The following BMPR2 variants were observed in gnomAD, a reference collection of about 807,000 sequenced individuals.
BMPR2 encodes the protein bone morphogenetic protein receptor type 2.
A neutral mutation model predicts 100.8 loss-of-function variants in BMPR2; 29 were observed. The observed-to-expected ratio is 0.29, with a 90% CI of 0.21 to 0.39. The LOEUF (loss-of-function observed/expected upper bound fraction) is 0.39, where lower values mean the gene tolerates loss of function less well. Ranked by LOEUF, BMPR2 falls within the 10% of genes least tolerant of loss-of-function variation. The pLI, the probability that BMPR2 is intolerant of heterozygous loss-of-function variation, is 1.00. For missense variants in BMPR2, 1,011 were observed against 1,274.5 expected (o/e 0.79, Z 3.15); for synonymous variants, 382 against 442.3 (o/e 0.86, Z 1.71).
intron 1 of BMPR2, among the ~76,000 whole-genome samples, chr2:202,419,775 G>C (rs993219687): frequency 2.6e-5 from 4 of 152,098 alleles, no homozygotes; most frequent in African/African-American, 9.7e-5. Context: ...ACAGCGTCTT[G>C]TTGATTCTTT....
intron 7 of BMPR2, among the ~76,000 whole-genome samples, chr2:202,524,472 T>G (rs1213036564): frequency 6.6e-6 from 1 of 151,670 alleles, no homozygotes; most frequent in East Asian, 1.9e-4. Flanking sequence ...ATAACAAACT[T>G]GCACATGTAC....
intron 1 of BMPR2, among the ~76,000 whole-genome samples, chr2:202,411,521 G>T (rs1691012629): frequency 6.6e-6 from 1 of 152,180 alleles, no homozygotes; most frequent in Non-Finnish European, 1.5e-5. Flanking sequence ...CTGATTGGTT[G>T]CTGTGAATGG....
chr2:202,447,083 G>A (rs559309817), intron 1 of BMPR2, among the ~76,000 whole-genome samples: 8 of 149,278 alleles, frequency 5.4e-5, no homozygotes, highest in Non-Finnish European at 1.0e-4. Context: ...CGAGGTGGGC[G>A]GATCATGAGG....
At chr2:202,535,483 G>A (rs866543692) in intron 9 of BMPR2, among the ~76,000 whole-genome samples, 1 of 150,708 alleles carries the variant, frequency 6.6e-6, no homozygotes, top group African/African-American at 2.4e-5. Context: ...CATCTCAGAC[G>A]ATGGGCGGCC....
chr2:202,549,757 AAAAG>A (rs1305146552), intron 10 of BMPR2, among the ~76,000 whole-genome samples: 9 of 151,656 alleles, frequency 5.9e-5, no homozygotes, highest in African/African-American at 2.4e-5. Context: ...AAAAAAAAAA[AAAAG>A]AAAAGAAAAG....
At chr2:202,511,649 A>G (rs1043214786) in intron 3 of BMPR2, among the ~76,000 whole-genome samples, 1 of 152,072 alleles carries the variant, frequency 6.6e-6, no homozygotes, top group Non-Finnish European at 1.5e-5. Flanking sequence ...TGAGTTTTAT[A>G]TGTAGCTTTT....
Position 202,520,195 on chromosome 2 carries a change from C to T in BMPR2, c.961C>T (p.Arg321Ter), listed in dbSNP as rs1060502581. 1 of 1,608,098 alleles carries T rather than the reference C, an allele frequency of 6.2e-7. No individual in the cohort carries two copies. The highest frequency in any genetic ancestry group is 8.5e-7 in the Non-Finnish European group (1 of 1,174,814). Residue 321 changes from arginine to a stop codon, truncating the protein, a stop_gained, in exon 7 of 13, where the codon CGA becomes TGA. Coordinates refer to ENST00000374580, the MANE Select transcript of BMPR2 (RefSeq NM_001204.7). LOFTEE classifies it high-confidence loss of function. ...GLAYLHTELP[R>*]GDHYKPAISH... ...GGCTTATCTTCACACAGAATTACCA[C>T]GAGGAGGTAAGATAGTCAATAGATG...
chr2:202,389,114 A>G (rs1475779031), intron 1 of BMPR2, among the ~76,000 whole-genome samples: 1 of 152,016 alleles, frequency 6.6e-6, no homozygotes, highest in African/African-American at 2.4e-5. Context: ...AGTACCAGCT[A>G]CTTGGGAGGC....
At chr2:202,456,102 A>T (rs1244378858) in intron 1 of BMPR2, among the ~76,000 whole-genome samples, 1 of 125,684 alleles carries the variant, frequency 8.0e-6, no homozygotes, top group East Asian at 2.3e-4. Context: ...AAAAAAAAAA[A>T]GTTAAGTAGT....
At position 202,384,550 on chromosome 2, in the gene BMPR2, TTC is replaced by T. The variant is rs1373194439; in HGVS notation, c.76+7002_76+7003del. Among the ~76,000 whole-genome samples the T allele has an allele frequency of 4.7e-3, 284 of 60,688 alleles. 1 individual carries two copies. The highest frequency in any genetic ancestry group is 0.017 in the African/African-American group (249 of 14,474). The allele number at this position is 60,688 out of a possible 152,430, so 39.8% of individuals were successfully genotyped here. A position where few individuals can be genotyped will look rare whatever the true frequency, so the allele number is the denominator to read the frequency against. On this transcript the variant is annotated intron_variant, in intron 1 of 12. Transcript: ENST00000374580. ...TCTTTCTCTTTCTTTCTTTCTTTCT[TTC>T]TTTCTTTCTTTCTTTCTTTTTCTTT... is the stretch of plus-strand genomic sequence containing the variant.
chr2:202,399,640 G>C (rs371528231), intron 1 of BMPR2, among the ~76,000 whole-genome samples: 1 of 152,240 alleles, frequency 6.6e-6, no homozygotes, highest in East Asian at 1.9e-4. Context: ...AAGAATTAGA[G>C]GGGAGGCATA....
At chr2:202,392,015 C>G (rs574839198) in intron 1 of BMPR2, among the ~76,000 whole-genome samples, 192 of 152,008 alleles carry the variant, frequency 1.3e-3, no homozygotes, top group African/African-American at 4.4e-3. Context: ...CCACCTTGGC[C>G]TCCCAAAGTG....
chr2:202,501,531 G>A (rs571269651), intron 3 of BMPR2, among the ~76,000 whole-genome samples: 7 of 152,316 alleles, frequency 4.6e-5, no homozygotes, highest in South Asian at 2.1e-4. Context: ...ACTCAGACTC[G>A]TGGGACAATC....
At chr2:202,497,533 C>T (rs879739713) in intron 3 of BMPR2, among the ~76,000 whole-genome samples, 6 of 152,176 alleles carry the variant, frequency 3.9e-5, no homozygotes, top group African/African-American at 1.2e-4. Context: ...AACCAGCTTC[C>T]GCTTTTCCTG....
In BMPR2 at chr2:202,566,170, A is replaced by C. The variant is rs138378218; in HGVS notation, c.*6224A>C. On this transcript the variant is annotated 3_prime_UTR_variant, in exon 13 of 13. Coordinates refer to ENST00000374580, the MANE Select transcript of BMPR2 (RefSeq NM_001204.7). ...ACAACTTGATTTGGTTTTCAGTTTT[A>C]AAAGGCAACATGTGGGTTTTATCCA... 1 of 152,608 alleles carries C rather than the reference A, an allele frequency of 6.6e-6. No homozygotes were observed. The highest frequency in any genetic ancestry group is 1.9e-4 in the East Asian group (1 of 5,188). 9.5% of individuals were successfully genotyped at this position (152,608 alleles called of 1,614,324 possible).
Position 202,518,540 on chromosome 2 carries a change from T to C in BMPR2, c.622-282T>C, listed in dbSNP as rs115241301. On this transcript the variant is annotated intron_variant, in intron 5 of 12. Coordinates refer to ENST00000374580, the MANE Select transcript of BMPR2 (RefSeq NM_001204.7). ...AAATGGGTAGCTTGCCCCATACCAC[T>C]TTTTTCTCAAAGCTTTAATGCCTCT... is the stretch of plus-strand genomic sequence containing the variant. Among the ~76,000 whole-genome samples, 1,122 of 152,288 alleles carry C rather than the reference T, an allele frequency of 7.4e-3. 10 individuals are homozygous for C. The highest frequency in any genetic ancestry group is 0.031 in the Middle Eastern group (9 of 294).
intron 7 of BMPR2, among the ~76,000 whole-genome samples, chr2:202,528,244 A>G (rs1416135015): frequency 3.3e-5 from 5 of 152,036 alleles, no homozygotes; most frequent in Non-Finnish European, 7.4e-5. Context: ...CTGTAGTACA[A>G]TGGCGTGATC....
At chr2:202,430,247 G>T (rs539502837) in intron 1 of BMPR2, among the ~76,000 whole-genome samples, 1 of 152,278 alleles carries the variant, frequency 6.6e-6, no homozygotes, top group African/African-American at 2.4e-5. Flanking sequence ...ACTGAGGGGG[G>T]ATAGGGCTTC....
chr2:202,467,972 G>A (rs536221653), intron 3 of BMPR2, among the ~76,000 whole-genome samples: 1 of 151,968 alleles, frequency 6.6e-6, no homozygotes, highest in East Asian at 1.9e-4. Context: ...GATTGAACCC[G>A]GGAGGCAGAG....
Sources: gnomAD v4.1 joint callset for allele counts (sites outside exome capture counted in the v4.1 genomes callset) on GRCh38, gnomAD v4.1.1 for gene constraint, MANE v1.5 for transcripts, NCBI Gene and HGNC (gene_info 2026-07-23, HGNC 2026-07-21) for gene names.